The following EP400 variants were observed in gnomAD, a reference collection of about 807,000 sequenced individuals.
EP400 encodes the protein E1A-binding protein p400.
A neutral mutation model predicts 354.1 loss-of-function variants in EP400; 105 were observed. The observed-to-expected ratio is 0.30, with a 90% CI of 0.25 to 0.35. The LOEUF (loss-of-function observed/expected upper bound fraction) is 0.35, where lower values mean the gene tolerates loss of function less well. Ranked by LOEUF, EP400 falls within the 10% of genes least tolerant of loss-of-function variation. The pLI, the probability that EP400 is intolerant of heterozygous loss-of-function variation, is 1.00. For missense variants in EP400, 3,280 were observed against 4,121.0 expected (o/e 0.80, Z 5.59); for synonymous variants, 1,646 against 1,716.9 (o/e 0.96, Z 1.02).
chr12:132,026,969 G>C (rs1213265474), intron 25 of EP400, among the ~76,000 whole-genome samples: 1 of 152,204 alleles, frequency 6.6e-6, no homozygotes, highest in African/African-American at 2.4e-5. Context: ...TATGAAACGG[G>C]CACTGGCTTG....
chr12:132,063,129 CA>C (rs140742298), intron 47 of EP400, among the ~76,000 whole-genome samples: 1 of 152,226 alleles, frequency 6.6e-6, no homozygotes, highest in Non-Finnish European at 1.5e-5. Context: ...TACTGTTTCT[CA>C]AAGGTGGTCA....
rs749351468 is a variant in EP400, at chr12:131,987,746, A to G, written c.2265A>G (p.Ala755=). 2.5e-6 allele frequency: 4 copies of G among 1,610,946 alleles called. No homozygotes were observed. In the African/African-American group the frequency reaches 4.0e-5, roughly 16 times the overall value. Residue 755 remains alanine (A), a synonymous_variant, in exon 7 of 53, where the codon GCA becomes GCG. Transcript: ENST00000389561. The part of the protein sequence containing the change: ...VHQRIAELRK[A]GLWSQRRLPK... ...AGCGCATTGCGGAGCTGAGGAAAGC[A>G]GGTCTGTGGTCCCAGAGGCGTCTGC... is the stretch of plus-strand genomic sequence containing the variant.
rs1004181506 is a variant in EP400 at position 132,075,364 on chromosome 12, T to C, written c.9022-1152T>C. ...AGCTTTTCTGCTCCGTGACTCGTGATGCCCGCCTGTGCTTAGGTTTGGAGA... is the reference window on the plus strand; with the variant it reads ...AGCTTTTCTGCTCCGTGACTCGTGACGCCCGCCTGTGCTTAGGTTTGGAGA... On this transcript the variant is annotated intron_variant, in intron 51 of 52. Transcript: ENST00000389561. This position sits in a 1 kb window ranked among gnomAD's most constrained non-coding sequence, Gnocchi z 4.5. Among the ~76,000 whole-genome samples, 1 of 152,200 alleles carries C rather than the reference T, an allele frequency of 6.6e-6. No homozygotes were observed. The highest frequency in any genetic ancestry group is 6.5e-5 in the Admixed American group (1 of 15,284).
intron 14 of EP400, 130 bp downstream of exon 14, chr12:132,006,432 A>T (rs891102284): frequency 8.6e-7 from 1 of 1,158,480 alleles, no homozygotes; most frequent in Non-Finnish European, 1.2e-6. Flanking sequence ...AGAAAAAGCA[A>T]TTCTTCATGT....
At position 131,961,873 on chromosome 12, in the gene EP400, T is replaced by G; in HGVS notation, c.1254T>G (p.Leu418=). The G allele has an allele frequency of 6.2e-7, 1 of 1,614,176 alleles. No individual in the cohort carries two copies. Among genetic ancestry groups the G allele is most frequent in the Non-Finnish European group, 8.5e-7 (1 of 1,180,034 alleles). Residue 418 remains leucine (L), a synonymous_variant, in exon 2 of 53, where the codon CTT becomes CTG. Transcript: ENST00000389561. ...ATTATGCCCCATTACAAGCATATCT[T>G]AGGCAGAATGATTTGGACATTGAAG... ...KKHYAPLQAY[L]RQNDLDIEEE... is the part of the protein sequence containing the mutation.
chr12:131,964,734 C>G (rs1257564422), intron 2 of EP400, among the ~76,000 whole-genome samples: 10 of 152,110 alleles, frequency 6.6e-5, no homozygotes, highest in Admixed American at 6.6e-4. Flanking sequence ...ACATCATATC[C>G]TATTCTTTTA....
At chr12:132,065,352 C>T in intron 48 of EP400, 2 of 164,290 alleles carry the variant, frequency 1.2e-5, no homozygotes, top group Admixed American at 5.7e-5. Flanking sequence ...CAAGTGCTGT[C>T]TGGGAAGACT....
chr12:132,045,557 G>T lies in EP400; in HGVS notation c.7023G>T (p.Leu2341=). 6.2e-7 allele frequency: 1 copy of T among 1,613,842 alleles called. No individual in the cohort carries two copies. Among genetic ancestry groups the T allele is most frequent in the South Asian group, 1.1e-5 (1 of 91,082 alleles). Residue 2341 remains leucine, a synonymous_variant, in exon 38 of 53, where the codon CTG becomes CTT. Coordinates refer to ENST00000389561, the MANE Select transcript of EP400 (RefSeq NM_015409.5). ...TCATCAGTGAGGACTGGGCGCTGCT[G>T]CAGGTAGGTGGGCGTGGTCTTTGTG... The part of the protein sequence containing the change: ...EWLISEDWAL[L]QAVKQLLELP...
At chr12:132,074,527 C>T (rs566695459) in intron 51 of EP400, among the ~76,000 whole-genome samples, 1 of 152,302 alleles carries the variant, frequency 6.6e-6, no homozygotes, top group East Asian at 1.9e-4. Flanking sequence ...AGTTTCATTC[C>T]AATGCTCCAG....
chr12:131,992,996 GA>G (rs1893092186), intron 11 of EP400, among the ~76,000 whole-genome samples: 1 of 152,238 alleles, frequency 6.6e-6, no homozygotes, highest in African/African-American at 2.4e-5. Context: ...TTGTTGGCAT[GA>G]AACTGGCAGT....
At chr12:131,986,462 C>T in intron 5 of EP400, 52 bp from the exon 6 acceptor site, 1 of 1,530,750 alleles carries the variant, frequency 6.5e-7, no homozygotes, top group Non-Finnish European at 8.8e-7. Context: ...GCACCGTGGG[C>T]TGCCCCGACA....
chr12:131,974,761 G>A (rs566090905), intron 2 of EP400, among the ~76,000 whole-genome samples: 1 of 151,904 alleles, frequency 6.6e-6, no homozygotes, highest in African/African-American at 2.4e-5. Flanking sequence ...AGGCCGAGGC[G>A]GGCGGATCAC....
chr12:131,992,489 C>T (rs1893073883), intron 11 of EP400, among the ~76,000 whole-genome samples: 1 of 152,206 alleles, frequency 6.6e-6, no homozygotes, highest in Non-Finnish European at 1.5e-5. Flanking sequence ...GTTGGGGCCC[C>T]ATGCTCCTGT....
intron 45 of EP400, among the ~76,000 whole-genome samples, chr12:132,059,363 T>C (rs78452436): frequency 0.012 from 1,751 of 151,634 alleles, 47 homozygotes; most frequent in South Asian, 0.11. Context: ...TAGTGGAGCA[T>C]GGTGGGGACG....
At chr12:132,000,999 G>C (rs1002764874) in intron 12 of EP400, among the ~76,000 whole-genome samples, 3 of 152,230 alleles carry the variant, frequency 2.0e-5, no homozygotes, top group Non-Finnish European at 2.9e-5. Flanking sequence ...GGTTTCTGCT[G>C]ATGGTACATT....
intron 16 of EP400, among the ~76,000 whole-genome samples, chr12:132,012,038 AATAG>A (rs1275839534): frequency 6.6e-6 from 1 of 152,222 alleles, no homozygotes; most frequent in Non-Finnish European, 1.5e-5. Flanking sequence ...CAACATGCCT[AATAG>A]ATAACGTTTC....
intron 12 of EP400, among the ~76,000 whole-genome samples, chr12:131,997,275 CTTT>C (rs1337353932): frequency 1.4e-5 from 2 of 144,436 alleles, no homozygotes; most frequent in African/African-American, 2.5e-5. Flanking sequence ...TTTTCTTTTT[CTTT>C]TTTTTTTTTT....
intron 13 of EP400, among the ~76,000 whole-genome samples, chr12:132,005,589 C>T (rs1566183042): frequency 6.6e-6 from 1 of 152,078 alleles, no homozygotes; most frequent in Non-Finnish European, 1.5e-5. Context: ...GCTCTCATTC[C>T]AGTTGTTGGG....
intron 32 of EP400, among the ~76,000 whole-genome samples, chr12:132,039,749 G>A (rs948696027): frequency 3.3e-5 from 5 of 152,236 alleles, no homozygotes; most frequent in Admixed American, 1.3e-4. Flanking sequence ...ACACAAAAGC[G>A]TAGCTGGGGC....
Sources: gnomAD v4.1 joint callset for allele counts (sites outside exome capture counted in the v4.1 genomes callset) on GRCh38, gnomAD v4.1.1 for gene constraint, Gnocchi (gnomAD v3.1) non-coding constraint, MANE v1.5 for transcripts, NCBI Gene and HGNC (gene_info 2026-07-23, HGNC 2026-07-21) for gene names.